Variants in SV2C observed in about 807,000 individuals in gnomAD.
SV2C encodes solute carrier family 22 member B3.
SV2C carries 49 observed loss-of-function variants against 79.7 expected under a neutral mutation model. The ratio of observed to expected loss-of-function variants is 0.61; its 90% confidence interval spans 0.49 to 0.78. SV2C has a LOEUF of 0.78. SV2C is among the 30% of genes least tolerant of loss of function. The pLI, the probability that SV2C is intolerant of heterozygous loss-of-function variation, is 0.00. For synonymous variants in SV2C, 334 were observed against 333.2 expected (o/e 1.00, Z -0.03); for missense variants, 833 against 912.9 (o/e 0.91, Z 1.13).
At chr5:76,249,646 TA>T (rs1746052778) in intron 4 of SV2C, among the ~76,000 whole-genome samples, 2 of 152,178 alleles carry the variant, frequency 1.3e-5, no homozygotes, top group South Asian at 4.1e-4. Flanking sequence ...ATACTGAAAA[TA>T]TATTCATCTT....
At chr5:75,927,912 C>T in the SV2C span, among the ~76,000 whole-genome samples, 2 of 152,160 alleles carry the variant, frequency 1.3e-5, no homozygotes, top group African/African-American at 4.8e-5. Flanking sequence ...CCACCAAAGA[C>T]CAGGAAGTGT....
chr5:76,121,957 G>T (rs549298830), intron 1 of SV2C, among the ~76,000 whole-genome samples: 2 of 152,110 alleles, frequency 1.3e-5, no homozygotes, highest in African/African-American at 4.8e-5. Flanking sequence ...AAATTACCTT[G>T]GGCAGTATGG....
intron 1 of SV2C, chr5:76,084,151 CG>C (rs1311158391): frequency 6.6e-6 from 1 of 152,342 alleles, no homozygotes; most frequent in African/African-American, 2.4e-5. Flanking sequence ...GGGGAGCCCG[CG>C]GGGCTGAGGC....
the SV2C span, among the ~76,000 whole-genome samples, chr5:76,010,486 A>C: frequency 6.6e-6 from 1 of 152,188 alleles, no homozygotes; most frequent in Non-Finnish European, 1.5e-5. Context: ...TTTCAGATAG[A>C]AGGAAAAATG....
chr5:76,285,741 T>A, intron 5 of SV2C, 40 bp from the exon 6 acceptor site: 2 of 1,561,632 alleles, frequency 1.3e-6, no homozygotes, highest in Non-Finnish European at 1.8e-6. Flanking sequence ...AGGGTAAGTG[T>A]GTCACTCCTA....
the SV2C span, among the ~76,000 whole-genome samples, chr5:75,889,465 G>T: frequency 0.24 from 35,941 of 151,938 alleles, 4,775 homozygotes; most frequent in East Asian, 0.41. Flanking sequence ...ATTCCATGGT[G>T]TATATGTGAC....
At position 76,141,649 on chromosome 5, in the gene SV2C, C is replaced by A. The variant is rs184891253; in HGVS notation, c.580+9319C>A. Among the ~76,000 whole-genome samples the A allele has an allele frequency of 7.7e-3, 1,163 of 151,622 alleles. 10 individuals carry two copies. Among genetic ancestry groups the A allele is most frequent in the African/African-American group, 0.026 (1,080 of 41,318 alleles). On this transcript the variant is annotated intron_variant, in intron 2 of 12. Transcript: ENST00000502798. Reference sequence around the variant, plus strand: ...GACCAGCCTGGCCAACATGGTGAAACCCCATCTCTACTAAAAATACAAAAA... The same window carrying A: ...GACCAGCCTGGCCAACATGGTGAAAACCCATCTCTACTAAAAATACAAAAA...
the SV2C span, among the ~76,000 whole-genome samples, chr5:76,068,206 T>G: frequency 4.6e-5 from 7 of 152,194 alleles, no homozygotes; most frequent in African/African-American, 1.7e-4. Flanking sequence ...ATAAATATTA[T>G]CTTCCTGAGA....
intron 4 of SV2C, among the ~76,000 whole-genome samples, chr5:76,247,141 T>C (rs1024585458): frequency 6.6e-6 from 1 of 152,172 alleles, no homozygotes; most frequent in Admixed American, 6.5e-5. Context: ...CCCTAATTGG[T>C]AAGACAGGGG....
intron 12 of SV2C, among the ~76,000 whole-genome samples, chr5:76,352,376 A>G (rs1749658504): frequency 6.6e-6 from 1 of 152,216 alleles, no homozygotes; most frequent in Non-Finnish European, 1.5e-5. Flanking sequence ...CCCCCAGTTC[A>G]ACACTGTTGA....
chr5:76,115,358 G>A (rs770801070), intron 1 of SV2C, among the ~76,000 whole-genome samples: 2 of 152,200 alleles, frequency 1.3e-5, no homozygotes, highest in Non-Finnish European at 2.9e-5. Flanking sequence ...ACAGGGGAAA[G>A]GGAAACTAGT....
At chr5:75,889,967 A>G in the SV2C span, among the ~76,000 whole-genome samples, 1 of 152,052 alleles carries the variant, frequency 6.6e-6, no homozygotes, top group Non-Finnish European at 1.5e-5. Context: ...CATTTCAGTC[A>G]CCCTAATTTT....
At chr5:76,276,638 C>CT (rs1188116727) in intron 4 of SV2C, among the ~76,000 whole-genome samples, 20,596 of 137,480 alleles carry the variant, frequency 0.15, 1,576 homozygotes, top group Admixed American at 0.19. Context: ...TTTTCTTTTT[C>CT]TTTTTTTTTT....
At chr5:75,936,601 G>A in the SV2C span, among the ~76,000 whole-genome samples, 7 of 152,236 alleles carry the variant, frequency 4.6e-5, no homozygotes, top group Non-Finnish European at 8.8e-5. Flanking sequence ...TAACAGATGC[G>A]TTACTTTGAC....
chr5:75,853,451 G>A, the SV2C span, among the ~76,000 whole-genome samples: 1 of 150,378 alleles, frequency 6.6e-6, no homozygotes. Context: ...AGCTACTCCG[G>A]AAGCTGAGGC....
chr5:76,180,010 C>T (rs142154803), intron 2 of SV2C, among the ~76,000 whole-genome samples: 6 of 152,278 alleles, frequency 3.9e-5, no homozygotes, highest in African/African-American at 1.4e-4. Flanking sequence ...AATTATTTTC[C>T]TATGAATGTT....
the SV2C span, among the ~76,000 whole-genome samples, chr5:75,881,799 T>C: frequency 6.7e-6 from 1 of 149,966 alleles, no homozygotes; most frequent in Non-Finnish European, 1.5e-5. Context: ...TTCCTTCTCC[T>C]GCCTAATTGC....
the SV2C span, among the ~76,000 whole-genome samples, chr5:76,003,049 G>C: frequency 6.6e-6 from 1 of 152,024 alleles, no homozygotes; most frequent in African/African-American, 2.4e-5. Context: ...GATAGTGAGT[G>C]AGTTCGCACA....
the SV2C span, among the ~76,000 whole-genome samples, chr5:75,871,832 T>TAC: frequency 5.6e-4 from 64 of 113,700 alleles, no homozygotes; most frequent in Admixed American, 1.2e-3. Context: ...TATATATATA[T>TAC]ATACACACAC....
Sources: gnomAD v4.1 joint callset for allele counts (sites outside exome capture counted in the v4.1 genomes callset) on GRCh38, gnomAD v4.1.1 for gene constraint, MANE v1.5 for transcripts, NCBI Gene and HGNC (gene_info 2026-07-23, HGNC 2026-07-21) for gene names.